TNIK: variants seen among roughly 807,000 people sequenced by gnomAD.
TNIK encodes the protein TRAF2 and NCK interacting kinase.
A neutral mutation model predicts 191.3 loss-of-function variants in TNIK; 49 were observed. The ratio of observed to expected loss-of-function variants is 0.26; its 90% CI spans 0.20 to 0.32. The LOEUF (loss-of-function observed/expected upper bound fraction) is 0.32, where lower values mean the gene tolerates loss of function less well. Among genes scored for constraint, TNIK ranks in the 10% least tolerant of loss-of-function variants. TNIK has a pLI of 1.00. For missense variants in TNIK, 1,155 were observed against 1,702.3 expected (o/e 0.68, Z 5.66); for synonymous variants, 594 against 600.9 (o/e 0.99, Z 0.17).
intron 2 of TNIK, among the ~76,000 whole-genome samples, chr3:171,352,136 G>A (rs1713306850): frequency 6.6e-6 from 1 of 152,218 alleles, no homozygotes. Flanking sequence ...CTGCTGGACA[G>A]CAGGCCACAC....
At chr3:171,189,964 A>T (rs1019482328) in intron 6 of TNIK, among the ~76,000 whole-genome samples, 3 of 152,260 alleles carry the variant, frequency 2.0e-5, no homozygotes, top group South Asian at 2.1e-4. Context: ...GGATATAAAC[A>T]TAGAAGATGT....
intron 1 of TNIK, among the ~76,000 whole-genome samples, chr3:171,391,035 G>A (rs552725892): frequency 2.0e-5 from 3 of 152,294 alleles, no homozygotes; most frequent in African/African-American, 7.2e-5. Flanking sequence ...AACAAATGCT[G>A]AGCTGTGACT....
intron 17 of TNIK, among the ~76,000 whole-genome samples, chr3:171,125,635 A>G (rs1163715647): frequency 1.3e-5 from 2 of 152,258 alleles, no homozygotes; most frequent in African/African-American, 4.8e-5. Context: ...GCAAAATGAC[A>G]GTTTGGAATA....
At chr3:171,315,385 G>T (rs573868604) in intron 2 of TNIK, among the ~76,000 whole-genome samples, 9 of 152,222 alleles carry the variant, frequency 5.9e-5, no homozygotes, top group African/African-American at 1.9e-4. Context: ...ACTGAAGAGA[G>T]CAAACACAAT....
At chr3:171,239,205 C>T (rs116442713) in intron 2 of TNIK, among the ~76,000 whole-genome samples, 1 of 152,126 alleles carries the variant, frequency 6.6e-6, no homozygotes, top group Non-Finnish European at 1.5e-5. Flanking sequence ...ATCAGGTACT[C>T]AATTCAGAAA....
chr3:171,106,429 A>C (rs897938032), intron 21 of TNIK, among the ~76,000 whole-genome samples: 1 of 152,118 alleles, frequency 6.6e-6, no homozygotes, highest in African/African-American at 2.4e-5. Flanking sequence ...TTTTCCATTA[A>C]ATTTCACAAA....
At chr3:171,275,478 GGAA>G (rs1352793556) in intron 2 of TNIK, among the ~76,000 whole-genome samples, 2 of 152,046 alleles carry the variant, frequency 1.3e-5, no homozygotes, top group African/African-American at 2.4e-5. Context: ...CTATGAAAAT[GGAA>G]GAAGTAAACT....
At chr3:171,454,780 G>A (rs1728599052) in intron 1 of TNIK, among the ~76,000 whole-genome samples, 1 of 152,168 alleles carries the variant, frequency 6.6e-6, no homozygotes, top group Non-Finnish European at 1.5e-5. Context: ...GTGCTCTGGA[G>A]TAATGAACTA....
intron 2 of TNIK, among the ~76,000 whole-genome samples, chr3:171,254,720 A>G (rs193183719): frequency 1.4e-3 from 215 of 152,318 alleles, no homozygotes; most frequent in African/African-American, 4.8e-3. Flanking sequence ...CTAAATGGAA[A>G]TCCTAGTAGT....
chr3:171,402,982 A>G (rs1341519136), intron 1 of TNIK, among the ~76,000 whole-genome samples: 1 of 152,248 alleles, frequency 6.6e-6, no homozygotes, highest in Non-Finnish European at 1.5e-5. Context: ...TGCACTGTCT[A>G]AAAGTTTTCC....
chr3:171,438,548 A>C (rs997907078), intron 1 of TNIK, among the ~76,000 whole-genome samples: 1 of 152,262 alleles, frequency 6.6e-6, no homozygotes, highest in Admixed American at 6.5e-5. Context: ...AAAGTGTCTT[A>C]AGTTCCTGCC....
chr3:171,216,653 A>G (rs955192309), intron 3 of TNIK, among the ~76,000 whole-genome samples: 1 of 152,150 alleles, frequency 6.6e-6, no homozygotes, highest in Non-Finnish European at 1.5e-5. Flanking sequence ...TTTTTAAATC[A>G]CAGTTTATTA....
chr3:171,148,595 G>C (rs1378394303), intron 12 of TNIK, among the ~76,000 whole-genome samples: 1 of 152,132 alleles, frequency 6.6e-6, no homozygotes, highest in Non-Finnish European at 1.5e-5. Flanking sequence ...AGACAAGCCA[G>C]TTATAAACCA....
At chr3:171,311,141 G>A (rs1430475867) in intron 2 of TNIK, among the ~76,000 whole-genome samples, 1 of 152,078 alleles carries the variant, frequency 6.6e-6, no homozygotes, top group Non-Finnish European at 1.5e-5. Flanking sequence ...AGCAGAGAGA[G>A]AGAGAGAAAA....
chr3:171,279,685 G>A (rs1311561569), intron 2 of TNIK, among the ~76,000 whole-genome samples: 1 of 151,322 alleles, frequency 6.6e-6, no homozygotes, highest in Admixed American at 6.6e-5. Flanking sequence ...CAATAGCAAT[G>A]ACGATGATGA....
chr3:171,444,259 G>A (rs1727198326), intron 1 of TNIK, among the ~76,000 whole-genome samples: 1 of 152,188 alleles, frequency 6.6e-6, no homozygotes, highest in Admixed American at 6.5e-5. Context: ...CTTACAAGTT[G>A]TTGTTACAAA....
intron 25 of TNIK, among the ~76,000 whole-genome samples, chr3:171,084,585 A>G (rs1002095677): frequency 2.6e-5 from 4 of 152,200 alleles, no homozygotes; most frequent in African/African-American, 9.6e-5. Context: ...CAAATTAAAT[A>G]CACCATCCCC....
intron 1 of TNIK, among the ~76,000 whole-genome samples, chr3:171,419,758 G>A (rs1249944716): frequency 1.3e-5 from 2 of 152,054 alleles, no homozygotes; most frequent in African/African-American, 4.8e-5. Context: ...AGTATCCTAA[G>A]CACTTAATAA....
chr3:171,202,356 G>A (rs1391024453), intron 4 of TNIK, among the ~76,000 whole-genome samples: 1 of 152,048 alleles, frequency 6.6e-6, no homozygotes, highest in African/African-American at 2.4e-5. Context: ...GGTGAGGAAT[G>A]GTGAGCCAGT....
Sources: gnomAD v4.1 joint callset for allele counts (sites outside exome capture counted in the v4.1 genomes callset) on GRCh38, gnomAD v4.1.1 for gene constraint, MANE v1.5 for transcripts, NCBI Gene and HGNC (gene_info 2026-07-23, HGNC 2026-07-21) for gene names.